ASCC3: variants seen among roughly 807,000 people sequenced by gnomAD.
ASCC3 encodes activating signal cointegrator 1 complex subunit 3, also known as ASC-1 complex subunit P200.
ASCC3 carries 158 observed loss-of-function variants against 256.3 expected under a neutral mutation model. The observed-to-expected ratio is 0.62, with a 90% CI of 0.54 to 0.70. ASCC3 has a LOEUF of 0.70. ASCC3 is among the 30% of genes least tolerant of loss of function. ASCC3 has a pLI of 0.00. For missense variants in ASCC3, 2,259 were observed against 2,626.0 expected (o/e 0.86, Z 3.05); for synonymous variants, 948 against 883.4 (o/e 1.07, Z -1.30).
At chr6:100,520,756 T>C (rs1004241365) in intron 37 of ASCC3, among the ~76,000 whole-genome samples, 7 of 152,196 alleles carry the variant, frequency 4.6e-5, no homozygotes, top group Non-Finnish European at 7.4e-5. Context: ...TACAGGCTCA[T>C]AGCCTAGATG....
At chr6:100,544,937 A>AGCAAATTT (rs1263388311) in intron 36 of ASCC3, among the ~76,000 whole-genome samples, 1 of 152,230 alleles carries the variant, frequency 6.6e-6, no homozygotes, top group East Asian at 1.9e-4. Context: ...AACAATATAT[A>AGCAAATTT]AACAGAATAA....
At chr6:100,589,517 T>C (rs1385082437) in intron 36 of ASCC3, 117 bp downstream of exon 36, 1 of 1,234,848 alleles carries the variant, frequency 8.1e-7, no homozygotes, top group Non-Finnish European at 1.1e-6. Context: ...GTAGTGACCT[T>C]GTTTGACAGA....
rs780912206 is a variant in ASCC3 at position 100,589,618 on chromosome 6, T to A, written c.5550+16A>T. 3.4e-5 allele frequency: 55 copies of A among 1,612,722 alleles called. No individual in the cohort carries two copies. The Admixed American group carries it at 9.2e-4, about 27-fold the overall frequency. The stretch of plus-strand genomic sequence containing the variant: ...CTAAATTAAAAGAGAAGATATGAAA[T>A]ATATGAAAAACTCACACTTAGAATT... On this transcript the variant is annotated intron_variant, in intron 36 of 41. Coordinates refer to ENST00000369162, the MANE Select transcript of ASCC3 (RefSeq NM_006828.4).
At position 100,848,664 on chromosome 6, in the gene ASCC3, T is replaced by A; in HGVS notation, c.285A>T (p.Ala95=). 1.2e-6 allele frequency: 2 copies of A among 1,613,784 alleles called. No homozygotes were observed. Among genetic ancestry groups the A allele is most frequent in the Non-Finnish European group, 1.7e-6 (2 of 1,180,004 alleles). The part of the protein sequence containing the change: ...NGREAIESGA[A]FLFMTFHLKD... Reference sequence around the variant, plus strand: ...TCAAGTGAAATGTCATGAAGAGAAATGCAGCCCCACTTTCAATTGCTTCTC... The same window carrying A: ...TCAAGTGAAATGTCATGAAGAGAAAAGCAGCCCCACTTTCAATTGCTTCTC... The change falls in exon 4 of 42, where the codon GCA becomes GCT. Residue 95 remains alanine (A), a synonymous_variant. Transcript: ENST00000369162.
chr6:100,662,437 T>G lies in ASCC3; in HGVS notation c.2386A>C (p.Asn796His), dbSNP rs752123682. The change falls in exon 15 of 42, where the codon AAC (asparagine) becomes CAC (histidine). Residue 796 changes from asparagine (N) to histidine (H), a missense_variant. By Grantham distance (68) the Asn-to-His change is moderately conservative. Transcript: ENST00000369162. ...TTGATATGCCCATTAGAAAACAAGT[T>G]TTCAACTAAATTTCTGTCCTGCCGA... Reference protein sequence around the residue: ...MLRQDRNLVENLFSNGHIKVL... With the variant: ...MLRQDRNLVEHLFSNGHIKVL... 3.1e-6 allele frequency: 5 copies of G among 1,613,188 alleles called. No homozygotes were observed. Among genetic ancestry groups the G allele is most frequent in the Non-Finnish European group, 4.2e-6 (5 of 1,179,530 alleles).
At chr6:100,634,886 A>G (rs1052157748) in intron 25 of ASCC3, among the ~76,000 whole-genome samples, 2 of 151,426 alleles carry the variant, frequency 1.3e-5, no homozygotes, top group Non-Finnish European at 2.9e-5. Flanking sequence ...AAAAAAAGAA[A>G]AGAAAAAAGA....
rs1769714061 is a variant in ASCC3 at position 100,797,934 on chromosome 6, C to CAA, written c.1395+777_1395+778dup. Among the ~76,000 whole-genome samples the CAA allele has an allele frequency of 2.0e-5, 3 of 152,200 alleles. No homozygotes were observed. The South Asian group carries it at 6.2e-4, about 32-fold the overall frequency. ...ACACATGTAACTATATATACACACACAAAACAGTGTGTATGATGTAATTCC... is the reference window on the plus strand; with the variant it reads ...ACACATGTAACTATATATACACACACAAAAAACAGTGTGTATGATGTAATTCC... On this transcript the variant is annotated intron_variant, in intron 8 of 41. Coordinates refer to ENST00000369162, the MANE Select transcript of ASCC3 (RefSeq NM_006828.4).
chr6:100,556,323 G>A (rs986626574), intron 36 of ASCC3, among the ~76,000 whole-genome samples: 1 of 151,936 alleles, frequency 6.6e-6, no homozygotes, highest in African/African-American at 2.4e-5. Flanking sequence ...CATAATACAG[G>A]CACAATTGCC....
intron 4 of ASCC3, among the ~76,000 whole-genome samples, chr6:100,814,658 G>A (rs1337109741): frequency 6.6e-6 from 1 of 152,028 alleles, no homozygotes; most frequent in Non-Finnish European, 1.5e-5. Context: ...TGTCTTCCTG[G>A]TTCAGTCTTA....
chr6:100,757,140 T>C (rs1055540624), intron 10 of ASCC3, among the ~76,000 whole-genome samples: 5 of 152,044 alleles, frequency 3.3e-5, no homozygotes, highest in African/African-American at 4.8e-5. Flanking sequence ...TTCTAATACA[T>C]GAGAATAAAA....
At chr6:100,559,533 G>A (rs1769810343) in intron 36 of ASCC3, among the ~76,000 whole-genome samples, 1 of 152,074 alleles carries the variant, frequency 6.6e-6, no homozygotes, top group Non-Finnish European at 1.5e-5. Flanking sequence ...ATCCTAAGGA[G>A]ACAATAGTCA....
rs182675281 is a variant in ASCC3 at position 100,840,567 on chromosome 6, A to G, written c.801+7581T>C. ...GCGTAAGAGTCTTTATTGCAATGTT[A>G]TTTATAACAGTAAAAAACTAGATAA... On this transcript the variant is annotated intron_variant, in intron 4 of 41. Coordinates refer to ENST00000369162, the MANE Select transcript of ASCC3 (RefSeq NM_006828.4). Among the ~76,000 whole-genome samples the G allele has an allele frequency of 3.4e-3, 454 of 133,954 alleles. 2 individuals carry two copies. Among genetic ancestry groups the G allele is most frequent in the Non-Finnish European group, 2.7e-3 (176 of 64,500 alleles). 87.9% of individuals were successfully genotyped at this position (133,954 alleles called of 152,430 possible).
At chr6:100,803,711 C>T (rs1318252790) in intron 5 of ASCC3, among the ~76,000 whole-genome samples, 1 of 152,078 alleles carries the variant, frequency 6.6e-6, no homozygotes, top group Non-Finnish European at 1.5e-5. Context: ...AACTTTAAGG[C>T]TCTGAGAACA....
chr6:100,644,399 T>C (rs530383004), intron 22 of ASCC3, among the ~76,000 whole-genome samples: 9 of 152,304 alleles, frequency 5.9e-5, no homozygotes, highest in Non-Finnish European at 1.3e-4. Flanking sequence ...CAGATTTGCC[T>C]AATCTGTAAA....
In ASCC3 at chr6:100,655,780, C is replaced by G. The variant is rs1240180314; in HGVS notation, c.2742G>C (p.Val914=). ...AAAGATAAGTGTAACTTATCCACTT[C>G]ACTGCTTCTTCCACATTAGTAACTG... ...LGTVTNVEEA[V]KWISYTYLYV... Residue 914 remains valine (V), a synonymous_variant, in exon 17 of 42, where the codon GTG becomes GTC. Coordinates refer to ENST00000369162, the MANE Select transcript of ASCC3 (RefSeq NM_006828.4). 1 of 1,611,696 alleles carries G rather than the reference C, an allele frequency of 6.2e-7. No homozygotes were observed. The highest frequency in any genetic ancestry group is 8.5e-7 in the Non-Finnish European group (1 of 1,178,880).
At chr6:100,822,504 T>C (rs1365986833) in intron 4 of ASCC3, among the ~76,000 whole-genome samples, 1 of 141,336 alleles carries the variant, frequency 7.1e-6, no homozygotes, top group African/African-American at 2.7e-5. Context: ...GCCACTGCAC[T>C]CCAGCCTGGG....
At position 100,828,448 on chromosome 6, in the gene ASCC3, C is replaced by T. The variant is rs575632592; in HGVS notation, c.801+19700G>A. Among the ~76,000 whole-genome samples the T allele has an allele frequency of 3.9e-5, 6 of 152,170 alleles. No homozygotes were observed. In the East Asian group the frequency reaches 9.7e-4, roughly 25 times the overall value. The stretch of plus-strand genomic sequence containing the variant: ...CAAACCCTATATATACTATTGTGTC[C>T]GGAATTGGTGGGTTCTTGGTCTCAC... On this transcript the variant is annotated intron_variant, in intron 4 of 41. Transcript: ENST00000369162.
intron 13 of ASCC3, among the ~76,000 whole-genome samples, chr6:100,693,490 G>A (rs1471592443): frequency 6.6e-6 from 1 of 152,102 alleles, no homozygotes; most frequent in East Asian, 1.9e-4. Flanking sequence ...TACCTGATTT[G>A]AGAAAATGGA....
At chr6:100,602,830 G>A (rs148074990) in intron 33 of ASCC3, among the ~76,000 whole-genome samples, 2,327 of 151,970 alleles carry the variant, frequency 0.015, 22 homozygotes, top group East Asian at 0.044. Context: ...TTCAACAAAA[G>A]AAAAAGCTAA....
Sources: allele counts gnomAD v4.1 joint callset (sites outside exome capture counted in the v4.1 genomes callset), GRCh38; gene constraint gnomAD v4.1.1; transcripts MANE v1.5; gene names NCBI Gene and HGNC (gene_info 2026-07-23, HGNC 2026-07-21).